Variants in ERBB4 observed in about 807,000 individuals in gnomAD.
ERBB4 encodes erb-b2 receptor tyrosine kinase 4.
In ERBB4, 42 loss-of-function variants were observed where a neutral mutation model predicts 158.0. The ratio of observed to expected loss-of-function variants is 0.27; its 90% CI spans 0.21 to 0.34. The LOEUF is 0.34. ERBB4 is among the 10% of genes least tolerant of loss of function. The pLI is 1.00. For synonymous variants in ERBB4, 583 were observed against 558.7 expected (o/e 1.04, Z -0.61); for missense variants, 1,333 against 1,624.1 (o/e 0.82, Z 3.08).
At chr2:212,101,430 AT>A (rs944934434) in intron 2 of ERBB4, among the ~76,000 whole-genome samples, 1 of 150,688 alleles carries the variant, frequency 6.6e-6, no homozygotes, top group Non-Finnish European at 1.5e-5. Context: ...GCGAAGAAAG[AT>A]TTTTTTAAGA....
intron 1 of ERBB4, among the ~76,000 whole-genome samples, chr2:212,496,513 C>T (rs951216850): frequency 6.6e-6 from 1 of 152,112 alleles, no homozygotes; most frequent in Non-Finnish European, 1.5e-5. Flanking sequence ...CATCTGGCAA[C>T]CCAAAATTCT....
chr2:211,688,168 C>T (rs2072645905), intron 12 of ERBB4, among the ~76,000 whole-genome samples: 1 of 152,154 alleles, frequency 6.6e-6, no homozygotes, highest in African/African-American at 2.4e-5. Context: ...TATATTCATC[C>T]ATGTAGTTAC....
At chr2:211,888,607 C>T (rs1007813432) in intron 3 of ERBB4, among the ~76,000 whole-genome samples, 5 of 151,698 alleles carry the variant, frequency 3.3e-5, no homozygotes, top group Non-Finnish European at 4.4e-5. Context: ...ACGCAGAAGA[C>T]GGGTGATTTC....
chr2:212,192,007 A>ATGTTATATGTTATATATGTT (rs1491138840), intron 1 of ERBB4, among the ~76,000 whole-genome samples: 2 of 99,142 alleles, frequency 2.0e-5, no homozygotes, highest in African/African-American at 8.1e-5. Context: ...TGTTATATAT[A>ATGTTATATGTTATATATGTT]ATATATGTTA....
intron 2 of ERBB4, among the ~76,000 whole-genome samples, chr2:212,102,740 T>A (rs1190590642): frequency 6.6e-6 from 1 of 152,120 alleles, no homozygotes; most frequent in East Asian, 1.9e-4. Flanking sequence ...GAGCTATAGA[T>A]CTCTCCCATC....
At position 211,382,002 on chromosome 2, in the gene ERBB4, T is replaced by C. The variant is rs1453624898; in HGVS notation, c.*1613A>G. 4 of 229,140 alleles carry C rather than the reference T, an allele frequency of 1.7e-5. No individual in the cohort carries two copies. The highest frequency in any genetic ancestry group is 8.9e-5 in the African/African-American group (4 of 45,108). 14.2% of individuals were successfully genotyped at this position (229,140 alleles called of 1,614,324 possible). A position where few individuals can be genotyped will look rare whatever the true frequency, so the allele number is the denominator to read the frequency against. Reference sequence around the variant, plus strand: ...CTTTCAAAATGATACATAATAATGATGGTTCTAGTACTGGATGCAGTATAT... The same window carrying C: ...CTTTCAAAATGATACATAATAATGACGGTTCTAGTACTGGATGCAGTATAT... On this transcript the variant is annotated 3_prime_UTR_variant, in exon 28 of 28. Coordinates refer to ENST00000342788, the MANE Select transcript of ERBB4 (RefSeq NM_005235.3).
At chr2:212,327,215 C>A (rs549191017) in intron 1 of ERBB4, among the ~76,000 whole-genome samples, 10 of 139,156 alleles carry the variant, frequency 7.2e-5, no homozygotes, top group African/African-American at 2.2e-4. Flanking sequence ...TAACACTGAG[C>A]ACTGTTCTAA....
chr2:212,335,154 T>G (rs1250511543), intron 1 of ERBB4, among the ~76,000 whole-genome samples: 1 of 151,958 alleles, frequency 6.6e-6, no homozygotes, highest in Non-Finnish European at 1.5e-5. Context: ...ATGTTTCAAT[T>G]AGTACTGGTA....
At chr2:211,797,531 A>G (rs2076408136) in intron 3 of ERBB4, among the ~76,000 whole-genome samples, 1 of 151,960 alleles carries the variant, frequency 6.6e-6, no homozygotes. Context: ...AAGACTTGCA[A>G]ATAAAAGATA....
chr2:211,667,319 G>A (rs1487696665), intron 14 of ERBB4, among the ~76,000 whole-genome samples: 1 of 151,878 alleles, frequency 6.6e-6, no homozygotes, highest in Non-Finnish European at 1.5e-5. Context: ...TAAAAATGGA[G>A]GCGTGTGAAT....
chr2:211,980,393 T>C (rs1447383863), intron 2 of ERBB4, among the ~76,000 whole-genome samples: 1 of 152,154 alleles, frequency 6.6e-6, no homozygotes, highest in Non-Finnish European at 1.5e-5. Context: ...TTAAAAAATT[T>C]TTCATGAGAT....
At chr2:212,165,687 A>G (rs751758713) in intron 1 of ERBB4, among the ~76,000 whole-genome samples, 2 of 152,068 alleles carry the variant, frequency 1.3e-5, no homozygotes, top group Non-Finnish European at 2.9e-5. Flanking sequence ...ATGTGCAGCA[A>G]CCATAGAAAT....
chr2:211,832,077 C>T (rs183249375), intron 3 of ERBB4, among the ~76,000 whole-genome samples: 33 of 152,260 alleles, frequency 2.2e-4, no homozygotes, highest in Admixed American at 6.5e-4. Context: ...GCTGTCTGTA[C>T]TTGAAAGTAA....
chr2:212,066,333 T>A (rs1272304931), intron 2 of ERBB4, among the ~76,000 whole-genome samples: 5 of 152,012 alleles, frequency 3.3e-5, no homozygotes, highest in South Asian at 2.1e-4. Context: ...AAAAATAAAA[T>A]GGTTTTGTTT....
intron 3 of ERBB4, among the ~76,000 whole-genome samples, chr2:211,821,401 C>T (rs2076991914): frequency 1.3e-5 from 2 of 151,874 alleles, no homozygotes; most frequent in African/African-American, 4.8e-5. Flanking sequence ...GTATCCCATA[C>T]TCATGAATCA....
chr2:212,501,806 G>C (rs1479803224), intron 1 of ERBB4, among the ~76,000 whole-genome samples: 4 of 151,962 alleles, frequency 2.6e-5, no homozygotes, highest in African/African-American at 9.7e-5. Flanking sequence ...TCAATACAAA[G>C]ACAAACTCCA....
intron 5 of ERBB4, among the ~76,000 whole-genome samples, chr2:211,726,819 C>T (rs1000806770): frequency 2.0e-5 from 3 of 152,122 alleles, no homozygotes; most frequent in African/African-American, 7.2e-5. Context: ...TGACCATCCC[C>T]GTACTAAAGG....
chr2:212,109,554 G>C (rs1334564932), intron 2 of ERBB4, among the ~76,000 whole-genome samples: 1 of 152,136 alleles, frequency 6.6e-6, no homozygotes, highest in East Asian at 1.9e-4. Context: ...ACACACTCTA[G>C]TCAGTCAATT....
chr2:211,632,664 A>C (rs2070189495), intron 16 of ERBB4, among the ~76,000 whole-genome samples: 1 of 152,056 alleles, frequency 6.6e-6, no homozygotes, highest in Non-Finnish European at 1.5e-5. Context: ...ACAAACTTCC[A>C]GGAGAAGAAA....
Sources: allele counts gnomAD v4.1 joint callset (sites outside exome capture counted in the v4.1 genomes callset), GRCh38; gene constraint gnomAD v4.1.1; transcripts MANE v1.5; gene names NCBI Gene and HGNC (gene_info 2026-07-23, HGNC 2026-07-21).